Variants in SLC6A9 observed in about 807,000 individuals in gnomAD.
SLC6A9 encodes the protein sodium- and chloride-dependent glycine transporter 1.
Under a neutral mutation model 70.9 loss-of-function variants are expected in SLC6A9, and 31 were observed. That is an observed-to-expected ratio of 0.44 (90% CI 0.33 to 0.59). The LOEUF (loss-of-function observed/expected upper bound fraction) is 0.59, where lower values mean the gene tolerates loss of function less well. Among genes scored for constraint, SLC6A9 ranks in the 20% least tolerant of loss-of-function variants. The pLI is 0.04. For synonymous variants in SLC6A9, 310 were observed against 341.3 expected (o/e 0.91, Z 1.01); for missense variants, 631 against 845.2 (o/e 0.75, Z 3.14).
At chr1:44,021,300 G>A (rs1382609128) in intron 2 of SLC6A9, among the ~76,000 whole-genome samples, 1 of 152,118 alleles carries the variant, frequency 6.6e-6, no homozygotes, top group Non-Finnish European at 1.5e-5. Flanking sequence ...GCACAGCCCT[G>A]TCCTAGGAGC....
intron 8 of SLC6A9, 106 bp from the exon 9 acceptor site, chr1:44,001,733 T>G: frequency 1.3e-6 from 1 of 795,610 alleles, no homozygotes; most frequent in South Asian, 1.7e-5. Context: ...CCAACTCTTT[T>G]TTTTTGGAGT....
rs767114715 is a variant in SLC6A9, at chr1:44,001,227, C to T, written c.1272G>A (p.Lys424=). The change falls in exon 10 of 14, where the codon AAG becomes AAA. Residue 424 remains lysine (K), a synonymous_variant. Transcript: ENST00000372310. The stretch of plus-strand genomic sequence containing the variant: ...CAGCCACGCCCAAGGTCACATAGGT[C>T]TTTTTCTGCAGGATCCACTCATTCC... ...EVGNEWILQK[K]TYVTLGVAVA... The T allele has an allele frequency of 6.2e-7, 1 of 1,614,228 alleles. No individual in the cohort carries two copies. Among genetic ancestry groups the T allele is most frequent in the East Asian group, 2.2e-5 (1 of 44,888 alleles).
intron 2 of SLC6A9, chr1:44,015,807 A>T (rs2154306694): frequency 1.0e-6 from 1 of 972,728 alleles, no homozygotes; most frequent in Non-Finnish European, 1.2e-6. Flanking sequence ...CTCTGGCCTC[A>T]GTTACCTGGA....
At chr1:44,010,919 A>G (rs756542802) in intron 2 of SLC6A9, 37 bp from the exon 3 acceptor site, 2 of 1,611,984 alleles carry the variant, frequency 1.2e-6, no homozygotes, top group Non-Finnish European at 1.7e-6. Context: ...TCAGCAAGGC[A>G]TTTGTGCTCC....
chr1:44,008,655 T>G lies in SLC6A9; in HGVS notation c.320-32A>C, dbSNP rs2086416827. ...GAGGGGAGGGGTGGGGGGAGGAGCC[T>G]CAGCATCCAGCAGGAGGAGGTGAGG... On this transcript the variant is annotated intron_variant, in intron 4 of 13. Coordinates refer to ENST00000372310, the MANE Select transcript of SLC6A9 (RefSeq NM_001024845.3). 5 of 1,589,856 alleles carry G rather than the reference T, an allele frequency of 3.1e-6. No individual in the cohort carries two copies. The South Asian group carries it at 5.5e-5, about 18-fold the overall frequency.
At chr1:44,012,356 A>C (rs571629610) in intron 2 of SLC6A9, among the ~76,000 whole-genome samples, 2 of 152,324 alleles carry the variant, frequency 1.3e-5, no homozygotes, top group Non-Finnish European at 2.9e-5. Context: ...TGCAGCACAG[A>C]CACCTTTGTG....
At chr1:44,029,659 A>C (rs1011612694) in intron 1 of SLC6A9, among the ~76,000 whole-genome samples, 13 of 152,100 alleles carry the variant, frequency 8.5e-5, no homozygotes, top group Non-Finnish European at 1.8e-4. Flanking sequence ...CCTTGTGCCC[A>C]AGTCTGGCTC....
At chr1:44,017,954 C>T (rs1011336401) in intron 2 of SLC6A9, among the ~76,000 whole-genome samples, 1 of 152,168 alleles carries the variant, frequency 6.6e-6, no homozygotes. Context: ...GTGGTGTCGT[C>T]ACCATGACTA....
chr1:44,011,239 A>G (rs2086556210), intron 2 of SLC6A9, among the ~76,000 whole-genome samples: 1 of 152,124 alleles, frequency 6.6e-6, no homozygotes, highest in African/African-American at 2.4e-5. Flanking sequence ...AGGATCTGGG[A>G]GCAGCTGAGC....
At chr1:44,026,840 G>A (rs1261827008) in intron 1 of SLC6A9, among the ~76,000 whole-genome samples, 1 of 152,176 alleles carries the variant, frequency 6.6e-6, no homozygotes, top group African/African-American at 2.4e-5. Flanking sequence ...ACTCGGAGAG[G>A]TCACATGCCT....
In SLC6A9 at chr1:44,010,709, C is replaced by T. The variant is rs753572408; in HGVS notation, c.187+17G>A. 6 of 1,613,110 alleles carry T rather than the reference C, an allele frequency of 3.7e-6. No individual in the cohort carries two copies. The African/African-American group carries it at 4.0e-5, about 11-fold the overall frequency. On this transcript the variant is annotated intron_variant, in intron 3 of 13. Transcript: ENST00000372310. ...TCTACCCAAGTGGGTGGTCCCTGCC[C>T]TGTGCCCACTGGGTACCTCCCCCGT... is the stretch of plus-strand genomic sequence containing the variant.
chr1:44,024,059 C>T (rs1432711137), intron 2 of SLC6A9, among the ~76,000 whole-genome samples, 189 bp downstream of exon 2: 3 of 152,210 alleles, frequency 2.0e-5, no homozygotes, highest in Admixed American at 6.5e-5. Context: ...TTTGCGGGCT[C>T]TGCGGGCTTG....
At chr1:44,012,689 G>C (rs965029918) in intron 2 of SLC6A9, among the ~76,000 whole-genome samples, 4 of 152,294 alleles carry the variant, frequency 2.6e-5, no homozygotes, top group Admixed American at 2.6e-4. Context: ...GTGGCTTCAG[G>C]GTGACCACAG....
chr1:43,999,970 C>G (rs1027249901), intron 12 of SLC6A9, among the ~76,000 whole-genome samples: 1 of 152,232 alleles, frequency 6.6e-6, no homozygotes, highest in African/African-American at 2.4e-5. Flanking sequence ...ATTCCTCCCT[C>G]CTGCAGAGGT....
intron 4 of SLC6A9, 76 bp from the exon 5 acceptor site, chr1:44,008,699 T>C: frequency 2.6e-6 from 3 of 1,173,046 alleles, no homozygotes; most frequent in South Asian, 3.0e-5. Context: ...TTCTTTTTTT[T>C]CTTTTCTTTT....
chr1:44,029,858 A>C (rs1239513152), intron 1 of SLC6A9, among the ~76,000 whole-genome samples: 3 of 151,986 alleles, frequency 2.0e-5, no homozygotes, highest in Non-Finnish European at 4.4e-5. Flanking sequence ...CCCCTCACCC[A>C]CTACTCTCCA....
Position 43,997,317 on chromosome 1 carries a change from A to C in SLC6A9, c.*228T>G, listed in dbSNP as rs1571830591. The C allele has an allele frequency of 1.8e-6, 1 of 558,174 alleles. No homozygotes were observed. Among genetic ancestry groups the C allele is most frequent in the South Asian group, 2.3e-5 (1 of 43,742 alleles). The allele number at this position is 558,174 out of a possible 1,614,324, so 34.6% of individuals were successfully genotyped here. A position where few individuals can be genotyped will look rare whatever the true frequency, so the allele number is the denominator to read the frequency against. ...CCAAAGTGCTTTGGACCTCCCAGCA[A>C]CCCTCCACTCCCACCCCTCCCCCCA... On this transcript the variant is annotated 3_prime_UTR_variant, in exon 14 of 14. Transcript: ENST00000372310. The surrounding 1 kb of genome is among the most constrained non-coding windows in gnomAD (Gnocchi z 4.4).
Position 44,010,248 on chromosome 1 carries a change from A to G in SLC6A9, c.188-152T>C, listed in dbSNP as rs950859920. 6 of 681,554 alleles carry G rather than the reference A, an allele frequency of 8.8e-6. 1 individual carries two copies. The South Asian group carries it at 9.7e-5, about 11-fold the overall frequency. 42.2% of individuals were successfully genotyped at this position (681,554 alleles called of 1,614,324 possible). ...TGAGCAGGAGCCTGGGCTGAGGCACACCACCCCCAGCCTGTCTTTCAACTT... is the reference window on the plus strand; with the variant it reads ...TGAGCAGGAGCCTGGGCTGAGGCACGCCACCCCCAGCCTGTCTTTCAACTT... On this transcript the variant is annotated intron_variant, in intron 3 of 13. Transcript: ENST00000372310.
At chr1:44,022,205 G>A (rs1369279191) in intron 2 of SLC6A9, among the ~76,000 whole-genome samples, 3 of 152,236 alleles carry the variant, frequency 2.0e-5, no homozygotes, top group Non-Finnish European at 4.4e-5. Context: ...GACACTGGGA[G>A]CCATGCCCTC....
Sources: gnomAD v4.1 joint callset for allele counts (sites outside exome capture counted in the v4.1 genomes callset) on GRCh38, gnomAD v4.1.1 for gene constraint, Gnocchi (gnomAD v3.1) non-coding constraint, MANE v1.5 for transcripts, NCBI Gene and HGNC (gene_info 2026-07-23, HGNC 2026-07-21) for gene names.